KCNJ15: variants seen among roughly 807,000 people sequenced by gnomAD.
The protein encoded by KCNJ15 is potassium inwardly rectifying channel subfamily J member 15, also known as ATP-sensitive inward rectifier potassium channel 15.
A neutral mutation model predicts 23.0 loss-of-function variants in KCNJ15; 14 were observed. The observed-to-expected ratio is 0.61, with a 90% CI of 0.40 to 0.95. The LOEUF is 0.95. Among genes scored for constraint, KCNJ15 ranks in the 40% least tolerant of loss-of-function variants. KCNJ15 has a pLI of 0.00. For synonymous variants in KCNJ15, 185 were observed against 183.2 expected, an observed-to-expected ratio of 1.01 and a Z score of -0.08; for missense variants, 388 against 461.8, an observed-to-expected ratio of 0.84 and a Z score of 1.46.
intron 1 of KCNJ15, among the ~76,000 whole-genome samples, chr21:38,245,723 GAA>G (rs1188609699): frequency 6.6e-6 from 1 of 151,856 alleles, no homozygotes; most frequent in African/African-American, 2.4e-5. Context: ...GAAAGAGAGA[GAA>G]AGAGAAAGGA....
At chr21:38,269,214 T>C (rs554512981) in intron 1 of KCNJ15, among the ~76,000 whole-genome samples, 6 of 152,260 alleles carry the variant, frequency 3.9e-5, no homozygotes, top group Non-Finnish European at 8.8e-5. Context: ...TCCCTTTTCA[T>C]ACGTTCTTTT....
chr21:38,279,043 G>A (rs551176153), intron 1 of KCNJ15, among the ~76,000 whole-genome samples: 9 of 152,216 alleles, frequency 5.9e-5, no homozygotes, highest in Non-Finnish European at 1.0e-4. Context: ...AACCAAGGCA[G>A]TGTCACCCAA....
chr21:38,300,658 G>A lies in KCNJ15; in HGVS notation c.*269G>A, dbSNP rs1193094620. 1.1e-5 allele frequency: 4 copies of A among 378,802 alleles called. No individual in the cohort carries two copies. The allele number at this position is 378,802 out of a possible 1,614,324, so 23.5% of individuals were successfully genotyped here. On this transcript the variant is annotated 3_prime_UTR_variant, in exon 3 of 3. Coordinates refer to ENST00000398938, the MANE Select transcript of KCNJ15 (RefSeq NM_170736.3). ...TACATTTCTAAGAGCTTGGTGTAGG[G>A]CAATTGGAATAATGTCCTGTTAGAT...
intron 1 of KCNJ15, among the ~76,000 whole-genome samples, chr21:38,290,929 A>G (rs1325239347): frequency 6.6e-6 from 1 of 150,766 alleles, no homozygotes; most frequent in Admixed American, 6.6e-5. Context: ...ATCTCCCTAG[A>G]TATAAAGTGT....
intron 1 of KCNJ15, among the ~76,000 whole-genome samples, chr21:38,264,081 G>C (rs1216406796): frequency 6.6e-6 from 1 of 152,170 alleles, no homozygotes; most frequent in Non-Finnish European, 1.5e-5. Context: ...ATTAAATATA[G>C]ATCTTAACTA....
chr21:38,260,445 G>A (rs1980766101), intron 1 of KCNJ15, among the ~76,000 whole-genome samples: 1 of 152,178 alleles, frequency 6.6e-6, no homozygotes, highest in Admixed American at 6.5e-5. Flanking sequence ...TCTTTTGATG[G>A]GCATTGTGCC....
rs1399295786 is a variant in KCNJ15 at position 38,297,017 on chromosome 21, T to TGACC, written c.-24_-21dup. The TGACC allele has an allele frequency of 6.6e-6, 1 of 152,292 alleles. No individual in the cohort carries two copies. Among genetic ancestry groups the TGACC allele is most frequent in the African/African-American group, 2.4e-5 (1 of 41,258 alleles). 9.4% of individuals were successfully genotyped at this position (152,292 alleles called of 1,614,324 possible). A position where few individuals can be genotyped will look rare whatever the true frequency, so the allele number is the denominator to read the frequency against. On this transcript the variant is annotated 5_prime_UTR_variant, in exon 2 of 3. Transcript: ENST00000398938. Reference sequence around the variant, plus strand: ...GAAGACACCTGACCTGCGGAGTGAGTGACCAGGTAGTAGACGGTTCTGAGG... The same window carrying TGACC: ...GAAGACACCTGACCTGCGGAGTGAGTGACCGACCAGGTAGTAGACGGTTCTGAGG...
At position 38,305,288 on chromosome 21, in the gene KCNJ15, TAATC is replaced by T. The variant is rs764764224; in HGVS notation, c.*4903_*4906del. 1.6e-4 allele frequency: 24 copies of T among 152,138 alleles called. No homozygotes were observed. Among genetic ancestry groups the T allele is most frequent in the Admixed American group, 7.9e-4 (12 of 15,280 alleles). 9.4% of individuals were successfully genotyped at this position (152,138 alleles called of 1,614,324 possible). On this transcript the variant is annotated 3_prime_UTR_variant, in exon 3 of 3. Transcript: ENST00000398938. ...TCAAATAGATTGGTGGGTTAAAAAATAATCAATTCAAATTCAAATTAGGAATTTA... is the reference window on the plus strand; with the variant it reads ...TCAAATAGATTGGTGGGTTAAAAAATAATTCAAATTCAAATTAGGAATTTA...
chr21:38,269,207 C>T (rs1412394012), intron 1 of KCNJ15, among the ~76,000 whole-genome samples: 1 of 152,214 alleles, frequency 6.6e-6, no homozygotes, highest in Admixed American at 6.5e-5. Flanking sequence ...ACCTGATTCC[C>T]TTTTCATACG....
In KCNJ15 at chr21:38,304,321, A is replaced by G. The variant is rs568914140; in HGVS notation, c.*3932A>G. ...TGTGTCCATGTGTTCTCATTGTTCAATTTCCACCTATGAGTGAGAACATGC... is the reference window on the plus strand; with the variant it reads ...TGTGTCCATGTGTTCTCATTGTTCAGTTTCCACCTATGAGTGAGAACATGC... On this transcript the variant is annotated 3_prime_UTR_variant, in exon 3 of 3. Coordinates refer to ENST00000398938, the MANE Select transcript of KCNJ15 (RefSeq NM_170736.3). The G allele has an allele frequency of 2.5e-4, 34 of 138,152 alleles. No homozygotes were observed. The highest frequency in any genetic ancestry group is 2.4e-4 in the Admixed American group (3 of 12,506). 8.6% of individuals were successfully genotyped at this position (138,152 alleles called of 1,614,324 possible). A position where few individuals can be genotyped will look rare whatever the true frequency, so the allele number is the denominator to read the frequency against.
intron 1 of KCNJ15, among the ~76,000 whole-genome samples, chr21:38,245,220 C>G (rs1979285789): frequency 6.6e-6 from 1 of 152,036 alleles, no homozygotes; most frequent in Non-Finnish European, 1.5e-5. Flanking sequence ...CCAAAGTCCT[C>G]TCTGTGTGGC....
intron 1 of KCNJ15, among the ~76,000 whole-genome samples, chr21:38,286,530 T>G (rs1045361860): frequency 4.6e-5 from 7 of 152,196 alleles, no homozygotes; most frequent in Admixed American, 4.6e-4. Context: ...GAAAGGGAAT[T>G]AGCTGTGATT....
At chr21:38,259,349 C>T (rs1980634197) in intron 1 of KCNJ15, among the ~76,000 whole-genome samples, 1 of 152,142 alleles carries the variant, frequency 6.6e-6, no homozygotes, top group South Asian at 2.1e-4. Context: ...ATAAAGCTGT[C>T]AATGACTGGC....
At chr21:38,257,700 T>G (rs1173027459) in intron 1 of KCNJ15, among the ~76,000 whole-genome samples, 1 of 152,268 alleles carries the variant, frequency 6.6e-6, no homozygotes, top group African/African-American at 2.4e-5. Flanking sequence ...GTGTAAGGAA[T>G]GTAAACGATC....
chr21:38,247,212 G>A (rs965840851), intron 1 of KCNJ15, among the ~76,000 whole-genome samples: 3 of 151,300 alleles, frequency 2.0e-5, no homozygotes, highest in Non-Finnish European at 2.9e-5. Flanking sequence ...ATAGGTAGAT[G>A]GATGGATGGA....
At chr21:38,289,534 ACCAGCCTGG>A (rs1283272579) in intron 1 of KCNJ15, among the ~76,000 whole-genome samples, 2 of 151,990 alleles carry the variant, frequency 1.3e-5, no homozygotes, top group Non-Finnish European at 2.9e-5. Flanking sequence ...GGAGTTCAAG[ACCAGCCTGG>A]CCAACATGGT....
At chr21:38,239,869 A>G (rs565550959) in intron 1 of KCNJ15, among the ~76,000 whole-genome samples, 4 of 152,350 alleles carry the variant, frequency 2.6e-5, no homozygotes, top group South Asian at 4.1e-4. Flanking sequence ...CCATGAATTT[A>G]TCATTTGATG....
At chr21:38,255,659 C>G (rs7275310), upstream of KCNJ15, among the ~76,000 whole-genome samples, 114,579 of 152,104 alleles carry the variant, frequency 0.75, 43,772 homozygotes, top group African/African-American at 0.88. Flanking sequence ...TTTGAGTCAG[C>G]AGGGAGAGGG....
At position 38,299,589 on chromosome 21, in the gene KCNJ15, A is replaced by G; in HGVS notation, c.328A>G (p.Lys110Glu). The G allele has an allele frequency of 1.2e-6, 2 of 1,614,088 alleles. No homozygotes were observed. Among genetic ancestry groups the G allele is most frequent in the Non-Finnish European group, 1.7e-6 (2 of 1,180,012 alleles). The change falls in exon 3 of 3, where the codon AAA (lysine) becomes GAA (glutamate). Residue 110 changes from lysine to glutamate, a missense_variant. Transcript: ENST00000398938. The surrounding 1 kb of genome is among the most constrained non-coding windows in gnomAD (Gnocchi z 4.5). Reference protein sequence around the residue: ...PISNHTPCIMKVDSLTGAFLF... With the variant: ...PISNHTPCIMEVDSLTGAFLF... The stretch of plus-strand genomic sequence containing the variant: ...TTCAAATCATACCCCCTGCATCATG[A>G]AAGTGGACTCTCTCACTGGGGCGTT...
Sources: allele counts gnomAD v4.1 joint callset (sites outside exome capture counted in the v4.1 genomes callset), GRCh38; gene constraint gnomAD v4.1.1; non-coding constraint Gnocchi (gnomAD v3.1); transcripts MANE v1.5; gene names NCBI Gene and HGNC (gene_info 2026-07-23, HGNC 2026-07-21).